SCN3A: variants seen among roughly 807,000 people sequenced by gnomAD.
SCN3A encodes sodium channel protein type 3 subunit alpha.
SCN3A carries 60 observed loss-of-function variants against 187.6 expected under a neutral mutation model. The observed-to-expected ratio is 0.32, with a 90% CI of 0.26 to 0.40. The LOEUF (loss-of-function observed/expected upper bound fraction) is 0.40, where lower values mean the gene tolerates loss of function less well. SCN3A is among the 10% of genes least tolerant of loss of function. SCN3A has a pLI of 1.00. For missense variants in SCN3A, 1,601 were observed against 2,428.2 expected (o/e 0.66, Z 7.16); for synonymous variants, 788 against 829.2 (o/e 0.95, Z 0.85).
intron 9 of SCN3A, among the ~76,000 whole-genome samples, chr2:165,158,299 GCATGTTATTAC>G (rs1389066859): frequency 8.1e-6 from 1 of 123,236 alleles, no homozygotes; most frequent in Non-Finnish European, 1.6e-5. Context: ...ACTTAGGTTA[GCATGTTATTAC>G]CCCACCACCT....
intron 6 of SCN3A, 72 bp from the exon 7 acceptor site, chr2:165,163,781 C>T (rs368644904): frequency 1.0e-4 from 168 of 1,613,390 alleles, no homozygotes; most frequent in Non-Finnish European, 1.4e-4. Flanking sequence ...GGCCTACTAC[C>T]TTACACCAGT....
At position 165,176,310 on chromosome 2, in the gene SCN3A, C is replaced by T. The variant is rs1690456258; in HGVS notation, c.85G>A (p.Ala29Thr). The change falls in exon 3 of 28, where the codon GCT becomes ACT. Residue 29 changes from alanine to threonine, a missense_variant. Around this residue, in one of 11 missense-constraint regions of SCN3A, gnomAD observed 74 missense variants for 77.7 expected, o/e 0.95. Transcript: ENST00000283254. Reference protein sequence around the residue: ...RESLAAIEKRAAEEKAKKPKK... With the variant: ...RESLAAIEKRTAEEKAKKPKK... Reference sequence around the variant, plus strand: ...GGCTTCTTGGCTTTCTCTTCTGCAGCACGTTTTTCGATAGCAGCAAGAGAT... The same window carrying T: ...GGCTTCTTGGCTTTCTCTTCTGCAGTACGTTTTTCGATAGCAGCAAGAGAT... 5.0e-6 allele frequency: 8 copies of T among 1,613,916 alleles called. No individual in the cohort carries two copies. Among genetic ancestry groups the T allele is most frequent in the Non-Finnish European group, 6.8e-6 (8 of 1,180,012 alleles).
At position 165,092,370 on chromosome 2, in the gene SCN3A, A is replaced by G. The variant is rs1685148653; in HGVS notation, c.4691T>C (p.Val1564Ala). Residue 1564 changes from valine (V) to alanine (A), a missense_variant, in exon 27 of 28, where the codon GTG (valine) becomes GCG (alanine). Val to Ala is a moderately conservative substitution (Grantham distance 64). Coordinates refer to ENST00000283254, the MANE Select transcript of SCN3A (RefSeq NM_006922.4). The surrounding 1 kb of genome is among the most constrained non-coding windows in gnomAD (Gnocchi z 4.2). ...TTCTCCAGTGAACAGAACAATGAAC[A>G]CTAGGTTGATCCGGGACAAAACTAG... Reference protein sequence around the residue: ...MTLVLSRINLVFIVLFTGEFV... With the variant: ...MTLVLSRINLAFIVLFTGEFV... 3 of 1,614,004 alleles carry G rather than the reference A, an allele frequency of 1.9e-6. No individual in the cohort carries two copies. The highest frequency in any genetic ancestry group is 1.7e-6 in the Non-Finnish European group (2 of 1,179,952).
chr2:165,104,861 A>G lies in SCN3A; in HGVS notation c.3844-4437T>C, dbSNP rs183654152. 2.1e-4 allele frequency among the ~76,000 whole-genome samples: 32 copies of G among 152,326 alleles called. 1 individual carries two copies. In the Middle Eastern group the frequency reaches 0.01, roughly 49 times the overall value. On this transcript the variant is annotated intron_variant, in intron 21 of 27. Coordinates refer to ENST00000283254, the MANE Select transcript of SCN3A (RefSeq NM_006922.4). ...ATCTGTTTGAACAACATATTTATTT[A>G]TACCCCCTACTGAAGTTCAACTAGA...
chr2:165,100,526 G>T, intron 21 of SCN3A, 102 bp from the exon 22 acceptor site: 1 of 1,246,710 alleles, frequency 8.0e-7, no homozygotes, highest in Non-Finnish European at 1.1e-6. Flanking sequence ...TACTAATTTG[G>T]ACATACCTTG....
chr2:165,176,050 G>A (rs547692094), intron 3 of SCN3A, 81 bp downstream of exon 3: 6 of 1,313,666 alleles, frequency 4.6e-6, no homozygotes, highest in South Asian at 3.9e-5. Flanking sequence ...AAATTGTGAT[G>A]CTGTATATAA....
intron 18 of SCN3A, among the ~76,000 whole-genome samples, chr2:165,126,574 TCCTC>T (rs1308143016): frequency 5.9e-4 from 84 of 141,270 alleles, no homozygotes; most frequent in African/African-American, 1.2e-3. Context: ...TCCCCTTCCT[TCCTC>T]CCTCCCTCCC....
In SCN3A at chr2:165,155,885, G is replaced by A. The variant is rs1282351334; in HGVS notation, c.1050C>T (p.Tyr350=). ...GSDAGQCPEG[Y]ICVKAGRNPN... is the part of the protein sequence containing the mutation. ...GGTTTCGACCAGCCTTCACACAGAT[G>A]TATCCTTCTGGACACTGGCTATAAG... Residue 350 remains tyrosine (Y), a synonymous_variant, in exon 10 of 28, where the codon TAC becomes TAT. Transcript: ENST00000283254. 7 of 1,614,076 alleles carry A rather than the reference G, an allele frequency of 4.3e-6. No homozygotes were observed. Among genetic ancestry groups the A allele is most frequent in the Admixed American group, 1.7e-5 (1 of 60,010 alleles).
At chr2:165,183,274 A>T (rs1219185590) in intron 2 of SCN3A, among the ~76,000 whole-genome samples, 1 of 152,230 alleles carries the variant, frequency 6.6e-6, no homozygotes, top group African/African-American at 2.4e-5. Flanking sequence ...GAAGCTAAGT[A>T]ATCTCCTCTA....
Position 165,092,385 on chromosome 2 carries a change from G to C in SCN3A, c.4676C>G (p.Ser1559Cys). ...AACAATGAACACTAGGTTGATCCGG[G>C]ACAAAACTAGGGTCATGTATTTGCC... ...DQGKYMTLVL[S>C]RINLVFIVLF... The change falls in exon 27 of 28, where the codon TCC (serine) becomes TGC (cysteine). Residue 1559 changes from serine to cysteine, a missense_variant. Ser to Cys is a moderately radical substitution (Grantham distance 112, BLOSUM62 -1). This residue lies in a region of SCN3A where 320 missense variants were observed against 623.2 expected (regional missense o/e 0.51). Transcript: ENST00000283254. This position sits in a 1 kb window ranked among gnomAD's most constrained non-coding sequence, Gnocchi z 4.2. 2 of 1,613,908 alleles carry C rather than the reference G, an allele frequency of 1.2e-6. No homozygotes were observed. The highest frequency in any genetic ancestry group is 1.7e-6 in the Non-Finnish European group (2 of 1,179,956).
intron 21 of SCN3A, among the ~76,000 whole-genome samples, chr2:165,110,724 C>G (rs993079908): frequency 6.6e-6 from 1 of 152,172 alleles, no homozygotes; most frequent in Non-Finnish European, 1.5e-5. Context: ...AAAATAGACC[C>G]ATTTAAGATA....
chr2:165,099,503 G>C (rs2105656455), intron 22 of SCN3A, among the ~76,000 whole-genome samples: 1 of 152,268 alleles, frequency 6.6e-6, no homozygotes, highest in Non-Finnish European at 1.5e-5. Flanking sequence ...CGGATCATGA[G>C]GTCAGGGGAT....
rs1691258700 is a variant in SCN3A at position 165,186,608 on chromosome 2, C to G, written c.-108G>C. ...GCTCCAGGTCCCTTCTGTGAATTAT[C>G]TCATTTATTCTTACAATATCCCTAG... On this transcript the variant is annotated 5_prime_UTR_variant, in exon 2 of 28. Transcript: ENST00000283254. The G allele has an allele frequency of 6.6e-6, 1 of 152,106 alleles. No homozygotes were observed. The highest frequency in any genetic ancestry group is 1.5e-5 in the Non-Finnish European group (1 of 68,018). The allele number at this position is 152,106 out of a possible 1,614,324, so 9.4% of individuals were successfully genotyped here. A position where few individuals can be genotyped will look rare whatever the true frequency, so the allele number is the denominator to read the frequency against.
rs1304931533 is a variant in SCN3A at position 165,089,267 on chromosome 2, A to G, written c.*883T>C. 6.6e-6 allele frequency: 1 copy of G among 152,618 alleles called. No individual in the cohort carries two copies. Among genetic ancestry groups the G allele is most frequent in the Non-Finnish European group, 1.5e-5 (1 of 68,006 alleles). 9.5% of individuals were successfully genotyped at this position (152,618 alleles called of 1,614,324 possible). A position where few individuals can be genotyped will look rare whatever the true frequency, so the allele number is the denominator to read the frequency against. ...ATAGGGTATTTAATTGACATAGACT[A>G]TCAGCTTTGCTGAGAGCAGAAGATG... On this transcript the variant is annotated 3_prime_UTR_variant, in exon 28 of 28. Coordinates refer to ENST00000283254, the MANE Select transcript of SCN3A (RefSeq NM_006922.4).
intron 1 of SCN3A, among the ~76,000 whole-genome samples, chr2:165,197,398 C>T (rs949626231): frequency 1.3e-5 from 2 of 152,008 alleles, no homozygotes; most frequent in African/African-American, 4.8e-5. Flanking sequence ...ATATTGATAC[C>T]CAGATTCCGC....
At chr2:165,156,245 G>A (rs895832843) in intron 9 of SCN3A, among the ~76,000 whole-genome samples, 1 of 152,000 alleles carries the variant, frequency 6.6e-6, no homozygotes, top group African/African-American at 2.4e-5. Flanking sequence ...AGTGGCTCAC[G>A]CCTGTAATCC....
intron 2 of SCN3A, chr2:165,179,511 C>A (rs1018958041): frequency 6.6e-6 from 1 of 152,132 alleles, no homozygotes; most frequent in African/African-American, 2.4e-5. Context: ...GGTGCCATCA[C>A]AAAATCATGA....
At position 165,158,841 on chromosome 2, in the gene SCN3A, T is replaced by C. The variant is rs1689206689; in HGVS notation, c.1032-2938A>G. On this transcript the variant is annotated intron_variant, in intron 9 of 27. Coordinates refer to ENST00000283254, the MANE Select transcript of SCN3A (RefSeq NM_006922.4). ...CATCTTGGTTGCTTCCAGTTTGGGG[T>C]CATTGAAGGGCATCTTGGTTACTTC... Among the ~76,000 whole-genome samples the C allele has an allele frequency of 1.5e-5, 2 of 137,888 alleles. 1 individual carries two copies. The highest frequency in any genetic ancestry group is 5.9e-5 in the African/African-American group (2 of 33,960). The allele number at this position is 137,888 out of a possible 152,430, so 90.5% of individuals were successfully genotyped here. A position where few individuals can be genotyped will look rare whatever the true frequency, so the allele number is the denominator to read the frequency against.
At chr2:165,144,531 T>C (rs1437631923) in intron 12 of SCN3A, among the ~76,000 whole-genome samples, 1 of 152,104 alleles carries the variant, frequency 6.6e-6, no homozygotes, top group Non-Finnish European at 1.5e-5. Context: ...CATGTCAGGG[T>C]TTTGCACTTC....
Sources: allele counts gnomAD v4.1 joint callset (sites outside exome capture counted in the v4.1 genomes callset), GRCh38; gene constraint gnomAD v4.1.1; regional missense constraint gnomAD v4.1.1; non-coding constraint Gnocchi (gnomAD v3.1); transcripts MANE v1.5; gene names NCBI Gene and HGNC (gene_info 2026-07-23, HGNC 2026-07-21).